Variants in MATN3 observed in about 807,000 individuals in gnomAD.
The protein encoded by MATN3 is matrilin-3.
Under a neutral mutation model 45.3 loss-of-function variants are expected in MATN3, and 48 were observed. The observed-to-expected ratio is 1.06, with a 90% CI of 0.84 to 1.35. The LOEUF is 1.35. Ranked by LOEUF, MATN3 falls within the 40% of genes most tolerant of loss-of-function variation. The pLI, the probability that MATN3 is intolerant of heterozygous loss-of-function variation, is 0.00. For synonymous variants in MATN3, 217 were observed against 245.9 expected (o/e 0.88, Z 1.10); for missense variants, 599 against 628.0 (o/e 0.95, Z 0.49).
At chr2:20,003,066 AG>A (rs1443298313) in intron 3 of MATN3, 94 bp downstream of exon 3, 25 of 1,443,030 alleles carry the variant, frequency 1.7e-5, no homozygotes, top group Non-Finnish European at 2.1e-5. Flanking sequence ...TTAGGTAAAA[AG>A]GGGTCAGAGA....
At chr2:20,009,300 T>C (rs1464192188) in intron 1 of MATN3, among the ~76,000 whole-genome samples, 1 of 127,568 alleles carries the variant, frequency 7.8e-6, no homozygotes, top group Non-Finnish European at 1.6e-5. Flanking sequence ...CCAGCAGCCA[T>C]AAAAAAGAAT....
chr2:20,002,040 G>C lies in MATN3; in HGVS notation c.957C>G (p.His319Gln). The C allele has an allele frequency of 6.2e-7, 1 of 1,613,558 alleles. No homozygotes were observed. Among genetic ancestry groups the C allele is most frequent in the Non-Finnish European group, 8.5e-7 (1 of 1,179,590 alleles). The change falls in exon 4 of 8, where the codon CAC (histidine) becomes CAG (glutamine). Residue 319 changes from histidine to glutamine, a missense_variant. Physicochemically the swap from His to Gln is conservative, Grantham distance 24. Transcript: ENST00000407540. The part of the protein sequence containing the change: ...RCALNTHGCE[H>Q]ICVNDRSGSY... ...AGCCACTTCTGTCATTCACACAGAT[G>C]TGCTCACATCCGTGGGTGTTAAGAG...
rs765974919 is a variant in MATN3 at position 20,003,279 on chromosome 2, G to C, written c.798C>G (p.Asp266Glu). The change falls in exon 3 of 8, where the codon GAC becomes GAG. Residue 266 changes from aspartate (D) to glutamate (E), a missense_variant. Transcript: ENST00000407540. ...SRFQETFCAL[D>E]PCVLGTHQCQ... The stretch of plus-strand genomic sequence containing the variant: ...ACTGGTGTGTTCCAAGCACACAGGG[G>C]TCCAGCGCTGTGAGAGGAAGTTTAC... 2.9e-5 allele frequency: 47 copies of C among 1,611,896 alleles called. No homozygotes were observed. The highest frequency in any genetic ancestry group is 3.7e-5 in the Non-Finnish European group (44 of 1,178,512).
At chr2:20,003,765 A>T (rs1246532161) in intron 2 of MATN3, among the ~76,000 whole-genome samples, 2 of 152,344 alleles carry the variant, frequency 1.3e-5, no homozygotes, top group East Asian at 3.9e-4. Context: ...TCTGGGTCTA[A>T]GCCTAGAACG....
intron 1 of MATN3, among the ~76,000 whole-genome samples, chr2:20,010,064 T>TCCAAAAAAAAAAAAAAAAAAAAAAAAAAA (rs1247085339): frequency 0.013 from 136 of 10,724 alleles, 3 homozygotes; most frequent in Middle Eastern, 0.071. Flanking sequence ...TCTCTTCAAA[T>TCCAAAAAAAAAAAAAAAAAAAAAAAAAAA]ACTAAAAAAA....
At chr2:19,997,080 G>A in intron 6 of MATN3, 54 bp downstream of exon 6, 1 of 1,591,024 alleles carries the variant, frequency 6.3e-7, no homozygotes, top group South Asian at 1.1e-5. Flanking sequence ...AAAAAAGCTT[G>A]CTCCTGAAAA....
chr2:19,995,471 A>G lies in MATN3; in HGVS notation c.1295-1062T>C, dbSNP rs1301639979. On this transcript the variant is annotated intron_variant, in intron 6 of 7. Transcript: ENST00000407540. This position sits in a 1 kb window ranked among gnomAD's most constrained non-coding sequence, Gnocchi z 4.2. ...TCGTCTCAAAAAACAAAACAAAAAA[A>G]AAGGATAAAAACCAGGTTAAGTCCT... is the stretch of plus-strand genomic sequence containing the variant. 6.6e-6 allele frequency among the ~76,000 whole-genome samples: 1 copy of G among 152,244 alleles called. No homozygotes were observed. Among genetic ancestry groups the G allele is most frequent in the Non-Finnish European group, 1.5e-5 (1 of 68,050 alleles).
chr2:20,009,693 A>G (rs959416071), intron 1 of MATN3, among the ~76,000 whole-genome samples: 7 of 152,162 alleles, frequency 4.6e-5, no homozygotes, highest in African/African-American at 1.7e-4. Flanking sequence ...TTTGTCATCT[A>G]TTGTCTCTAA....
chr2:20,003,763 T>C (rs945185677), intron 2 of MATN3, among the ~76,000 whole-genome samples: 8 of 152,334 alleles, frequency 5.3e-5, no homozygotes, highest in Non-Finnish European at 8.8e-5. Context: ...AGTCTGGGTC[T>C]AAGCCTAGAA....
intron 5 of MATN3, chr2:19,999,100 T>A (rs1288372003): frequency 6.6e-6 from 1 of 152,090 alleles, no homozygotes; most frequent in African/African-American, 2.4e-5. Context: ...CTGCCTTAAC[T>A]GAAAATTTTC....
intron 1 of MATN3, among the ~76,000 whole-genome samples, chr2:20,009,245 A>C (rs6531202): frequency 0.11 from 15,831 of 148,318 alleles, 1,115 homozygotes; most frequent in African/African-American, 0.21. Flanking sequence ...AAAAAAAAAA[A>C]AGGAATCAAA....
Position 20,010,200 on chromosome 2 carries a change from A to G in MATN3, c.223+2209T>C, listed in dbSNP as rs568532318. 1.3e-4 allele frequency among the ~76,000 whole-genome samples: 19 copies of G among 151,854 alleles called. No individual in the cohort carries two copies. In the South Asian group the frequency reaches 1.5e-3, roughly 12 times the overall value. ...TGGGTCAAAGTATTTTTGTATAATT[A>G]GAAAAAGAAAAGGTGGGGGTAACAT... On this transcript the variant is annotated intron_variant, in intron 1 of 7. Transcript: ENST00000407540.
intron 2 of MATN3, among the ~76,000 whole-genome samples, chr2:20,004,883 C>T (rs1673065504): frequency 6.6e-6 from 1 of 152,054 alleles, no homozygotes; most frequent in African/African-American, 2.4e-5. Context: ...TGGATATTCA[C>T]ATAGAGGGAA....
At chr2:20,008,410 T>C (rs1558375682) in intron 1 of MATN3, among the ~76,000 whole-genome samples, 1 of 152,124 alleles carries the variant, frequency 6.6e-6, no homozygotes, top group African/African-American at 2.4e-5. Flanking sequence ...TCTAGGAAGG[T>C]AATACTTAGT....
intron 3 of MATN3, 87 bp from the exon 4 acceptor site, chr2:20,002,167 C>CACAT: frequency 1.2e-6 from 1 of 814,366 alleles, no homozygotes; most frequent in Non-Finnish European, 1.9e-6. Flanking sequence ...GTTATACACA[C>CACAT]ACACACACAC....
At chr2:20,000,839 A>G (rs1157078938) in intron 4 of MATN3, among the ~76,000 whole-genome samples, 2 of 152,214 alleles carry the variant, frequency 1.3e-5, no homozygotes, top group Non-Finnish European at 2.9e-5. Flanking sequence ...ACTTTCTAGC[A>G]TTCCTTTTAG....
chr2:20,004,107 A>C (rs1382781150), intron 2 of MATN3: 1 of 152,230 alleles, frequency 6.6e-6, no homozygotes. Flanking sequence ...CTCCTGTGGC[A>C]GGTAACCCAA....
At chr2:19,996,706 G>A (rs548985848) in intron 6 of MATN3, among the ~76,000 whole-genome samples, 4 of 152,234 alleles carry the variant, frequency 2.6e-5, no homozygotes, top group South Asian at 2.1e-4. Context: ...TGAGGGGAGC[G>A]GGTGATGGGC....
At chr2:20,011,200 C>T (rs1417962437) in intron 1 of MATN3, among the ~76,000 whole-genome samples, 1 of 152,210 alleles carries the variant, frequency 6.6e-6, no homozygotes, top group Non-Finnish European at 1.5e-5. Context: ...ACCAGTAAAG[C>T]TTAGGGGGAC....
Sources: gnomAD v4.1 joint callset for allele counts (sites outside exome capture counted in the v4.1 genomes callset) on GRCh38, gnomAD v4.1.1 for gene constraint, Gnocchi (gnomAD v3.1) non-coding constraint, MANE v1.5 for transcripts, NCBI Gene and HGNC (gene_info 2026-07-23, HGNC 2026-07-21) for gene names.